BCR: variants seen among roughly 807,000 people sequenced by gnomAD.
BCR encodes breakpoint cluster region protein.
A neutral mutation model predicts 138.6 loss-of-function variants in BCR; 58 were observed. The observed-to-expected ratio is 0.42, with a 90% CI of 0.34 to 0.52. The LOEUF (loss-of-function observed/expected upper bound fraction) is 0.52, where lower values mean the gene tolerates loss of function less well. Among genes scored for constraint, BCR ranks in the 20% least tolerant of loss-of-function variants. The probability of loss-of-function intolerance (pLI) is 0.06; values close to 1 mark genes in which losing one functional copy is unlikely to be tolerated. For synonymous variants in BCR, 786 were observed against 730.1 expected, an observed-to-expected ratio of 1.08 and a Z score of -1.23; for missense variants, 1,599 against 1,727.2, an observed-to-expected ratio of 0.93 and a Z score of 1.32.
At chr22:23,251,502 C>T (rs909112174) in intron 1 of BCR, among the ~76,000 whole-genome samples, 1 of 152,204 alleles carries the variant, frequency 6.6e-6, no homozygotes, top group Non-Finnish European at 1.5e-5. Context: ...GCAAGGAAGC[C>T]GGAACTTCGG....
At chr22:23,259,833 T>C (rs1464084456) in intron 2 of BCR, among the ~76,000 whole-genome samples, 1 of 151,998 alleles carries the variant, frequency 6.6e-6, no homozygotes, top group Non-Finnish European at 1.5e-5. Context: ...CCCAAAAATG[T>C]TTAAGTTAGC....
chr22:23,284,093 C>T lies in BCR; in HGVS notation c.2232C>T (p.Ser744=), dbSNP rs761653647. 4.6e-5 allele frequency: 74 copies of T among 1,612,274 alleles called. No homozygotes were observed. Among genetic ancestry groups the T allele is most frequent in the South Asian group, 2.1e-4 (19 of 90,726 alleles). ...TCTGCACCAAGCTCAAGAAGCAGAG[C>T]GGAGGGTGAGTGACGATGTGGCCCC... ...LLLCTKLKKQ[S]GGKTQQYDCK... is the part of the protein sequence containing the mutation. Residue 744 remains serine (S), a synonymous_variant, in exon 9 of 23, where the codon AGC becomes AGT. Coordinates refer to ENST00000305877, the MANE Select transcript of BCR (RefSeq NM_004327.4).
intron 14 of BCR, 138 bp downstream of exon 14, chr22:23,290,551 G>T (rs1239577858): frequency 5.6e-6 from 5 of 887,594 alleles, no homozygotes; most frequent in Non-Finnish European, 7.5e-6. Flanking sequence ...GGCCGCTGTG[G>T]AGTGTTTGTG....
intron 1 of BCR, chr22:23,198,105 A>G: frequency 3.6e-6 from 1 of 278,478 alleles, no homozygotes. Context: ...GAAAGGCTAA[A>G]AGGAAGTGAC....
intron 16 of BCR, among the ~76,000 whole-genome samples, chr22:23,303,983 G>A (rs2073930413): frequency 1.5e-5 from 2 of 137,652 alleles, no homozygotes; most frequent in African/African-American, 2.7e-5. Flanking sequence ...TGCCCAGGTT[G>A]GAGTACAGTG....
intron 2 of BCR, among the ~76,000 whole-genome samples, chr22:23,259,500 C>A (rs1602072777): frequency 6.6e-6 from 1 of 150,540 alleles, no homozygotes; most frequent in Non-Finnish European, 1.5e-5. Flanking sequence ...GACCTTGTTT[C>A]TATTACCAAA....
intron 8 of BCR, chr22:23,283,692 C>G (rs2073676379): frequency 5.5e-6 from 2 of 362,710 alleles, no homozygotes; most frequent in Non-Finnish European, 1.0e-5. Context: ...ATTACCTCCC[C>G]CTCTCCCCCA....
intron 1 of BCR, chr22:23,199,175 A>T: frequency 2.3e-6 from 1 of 431,052 alleles, no homozygotes; most frequent in South Asian, 1.6e-5. Context: ...GATTATTAAC[A>T]TAAGTCTGGT....
chr22:23,284,061 C>G lies in BCR; in HGVS notation c.2200C>G (p.Leu734Val). 1 of 1,611,314 alleles carries G rather than the reference C, an allele frequency of 6.2e-7. No individual in the cohort carries two copies. The highest frequency in any genetic ancestry group is 8.5e-7 in the Non-Finnish European group (1 of 1,178,976). The change falls in exon 9 of 23, where the codon CTG becomes GTG. Residue 734 changes from leucine (L) to valine (V), a missense_variant. By Grantham distance (32) the Leu-to-Val change is conservative (BLOSUM62 1). This residue lies in a region of BCR where 590 missense variants were observed against 762.4 expected (regional missense o/e 0.77). Transcript: ENST00000305877. ...GCGCCACGTCTTCCTGTTCACCGACCTGCTTCTCTGCACCAAGCTCAAGAA... is the reference window on the plus strand; with the variant it reads ...GCGCCACGTCTTCCTGTTCACCGACGTGCTTCTCTGCACCAAGCTCAAGAA... ...KLRHVFLFTD[L>V]LLCTKLKKQS... is the part of the protein sequence containing the mutation.
chr22:23,198,272 A>AC (rs764058642), intron 1 of BCR: 4 of 448,240 alleles, frequency 8.9e-6, no homozygotes, highest in Admixed American at 2.6e-5. Context: ...CCGAGTGTCC[A>AC]CCGTCGGCCT....
At chr22:23,201,125 A>G (rs1028013202) in intron 1 of BCR, among the ~76,000 whole-genome samples, 3 of 152,260 alleles carry the variant, frequency 2.0e-5, no homozygotes, top group Non-Finnish European at 4.4e-5. Flanking sequence ...CTGGCTGCCC[A>G]TGTAGTTAAA....
chr22:23,229,290 T>C (rs889120419), intron 1 of BCR, among the ~76,000 whole-genome samples: 3 of 152,220 alleles, frequency 2.0e-5, no homozygotes, highest in Admixed American at 6.5e-5. Context: ...AGCATGGTTA[T>C]AATAGCTGCT....
intron 1 of BCR, among the ~76,000 whole-genome samples, chr22:23,186,570 G>A (rs373930243): frequency 3.9e-5 from 6 of 152,112 alleles, no homozygotes; most frequent in African/African-American, 1.4e-4. Flanking sequence ...CCCAGCCCCT[G>A]GCACTGCCAT....
chr22:23,313,097 T>C (rs1039630448), intron 20 of BCR, 76 bp downstream of exon 20: 17 of 1,514,148 alleles, frequency 1.1e-5, no homozygotes, highest in Admixed American at 3.9e-5. Flanking sequence ...CTGTGAAAAG[T>C]GAGGTGTGGG....
chr22:23,252,386 C>T (rs980393316), intron 1 of BCR, among the ~76,000 whole-genome samples: 2 of 151,534 alleles, frequency 1.3e-5, no homozygotes, highest in East Asian at 1.9e-4. Context: ...GACATCAAGA[C>T]GGTAACGGTA....
chr22:23,249,103 A>G (rs1159715365), intron 1 of BCR, among the ~76,000 whole-genome samples: 1 of 152,120 alleles, frequency 6.6e-6, no homozygotes, highest in Non-Finnish European at 1.5e-5. Context: ...TGGACAACAT[A>G]GCAAGACTTT....
rs533920810 is a variant in BCR at position 23,200,192 on chromosome 22, A to G, written c.1279+17953A>G. ...ACTTCCTCCTAGGGAACATCCTCAGATATGTAGATGTCACCGTGTGGGCTC... is the reference window on the plus strand; with the variant it reads ...ACTTCCTCCTAGGGAACATCCTCAGGTATGTAGATGTCACCGTGTGGGCTC... On this transcript the variant is annotated intron_variant, in intron 1 of 22. Transcript: ENST00000305877. Among the ~76,000 whole-genome samples the G allele has an allele frequency of 1.8e-4, 27 of 152,158 alleles. No individual in the cohort carries two copies. The South Asian group carries it at 4.4e-3, about 25-fold the overall frequency.
At chr22:23,264,022 A>G (rs769329934) in intron 4 of BCR, 46 of 913,490 alleles carry the variant, frequency 5.0e-5, no homozygotes, top group Non-Finnish European at 7.6e-5. Context: ...GATGTCATAT[A>G]TGAGTCCCCT....
intron 16 of BCR, among the ~76,000 whole-genome samples, chr22:23,300,408 A>AAT (rs771459693): frequency 2.0e-5 from 3 of 152,234 alleles, no homozygotes; most frequent in Non-Finnish European, 4.4e-5. Context: ...AAGGCTGAGT[A>AAT]ATATTCCATT....
Sources: allele counts gnomAD v4.1 joint callset (sites outside exome capture counted in the v4.1 genomes callset), GRCh38; gene constraint gnomAD v4.1.1; regional missense constraint gnomAD v4.1.1; transcripts MANE v1.5; gene names NCBI Gene and HGNC (gene_info 2026-07-23, HGNC 2026-07-21).